The following ZFAT variants were observed in gnomAD, a reference collection of about 807,000 sequenced individuals.
The protein encoded by ZFAT is zinc finger protein ZFAT.
In ZFAT, 64 loss-of-function variants were observed where a neutral mutation model predicts 117.7. That is an observed-to-expected ratio of 0.54 (90% confidence interval 0.44 to 0.67). The LOEUF (loss-of-function observed/expected upper bound fraction) is 0.67, where lower values mean the gene tolerates loss of function less well. Ranked by LOEUF, ZFAT falls within the 30% of genes least tolerant of loss-of-function variation. The pLI is 0.00. For synonymous variants in ZFAT, 679 were observed against 615.0 expected (o/e 1.10, Z -1.54); for missense variants, 1,433 against 1,584.5 (o/e 0.90, Z 1.62).
At chr8:134,584,075 A>AATAT (rs137885117) in intron 9 of ZFAT, 70 bp from the exon 10 acceptor site, 219 of 1,380,278 alleles carry the variant, frequency 1.6e-4, no homozygotes, top group Middle Eastern at 1.0e-3. Context: ...AATCTGAAGG[A>AATAT]ATATATATAT....
At position 134,601,925 on chromosome 8, in the gene ZFAT, C is replaced by T. The variant is rs1827502786; in HGVS notation, c.1794G>A (p.Leu598=). 2 of 1,613,994 alleles carry T rather than the reference C, an allele frequency of 1.2e-6. No homozygotes were observed. The highest frequency in any genetic ancestry group is 1.7e-6 in the Non-Finnish European group (2 of 1,179,954). The part of the protein sequence containing the change: ...HSQEVVSDDF[L]LKNDTSSAEA... ...CTGCGGAGGAGGTATCATTTTTCAACAAAAAATCATCTGAAACCACCTCTT... is the reference window on the plus strand; with the variant it reads ...CTGCGGAGGAGGTATCATTTTTCAATAAAAAATCATCTGAAACCACCTCTT... The change falls in exon 6 of 16, where the codon TTG becomes TTA. Residue 598 remains leucine (L), a synonymous_variant. Transcript: ENST00000377838.
At chr8:134,722,148 C>A in the ZFAT span, among the ~76,000 whole-genome samples, 1 of 151,964 alleles carries the variant, frequency 6.6e-6, no homozygotes, top group Non-Finnish European at 1.5e-5. Flanking sequence ...ACACCACTCA[C>A]GGGAGAAAAA....
the ZFAT span, among the ~76,000 whole-genome samples, chr8:134,821,192 T>A: frequency 1.3e-5 from 2 of 152,182 alleles, no homozygotes; most frequent in African/African-American, 2.4e-5. Context: ...AGTAATGCAA[T>A]ACATAATATC....
At chr8:134,489,668 C>T (rs554970757) in intron 15 of ZFAT, among the ~76,000 whole-genome samples, 1 of 152,330 alleles carries the variant, frequency 6.6e-6, no homozygotes, top group South Asian at 2.1e-4. Context: ...CACATCCCCT[C>T]CTTCCATCAT....
intron 3 of ZFAT, among the ~76,000 whole-genome samples, chr8:134,628,229 T>C (rs1431617814): frequency 4.6e-5 from 7 of 152,074 alleles, no homozygotes; most frequent in Non-Finnish European, 1.0e-4. Context: ...AGGTCAAGCA[T>C]ATTCAGAGGT....
intron 10 of ZFAT, among the ~76,000 whole-genome samples, chr8:134,571,938 CAAA>C (rs1824943803): frequency 6.6e-6 from 1 of 152,150 alleles, no homozygotes; most frequent in Non-Finnish European, 1.5e-5. Flanking sequence ...ACCACCAAAA[CAAA>C]ATAGCCATCC....
intron 11 of ZFAT, among the ~76,000 whole-genome samples, chr8:134,537,094 G>A (rs1821899079): frequency 6.6e-6 from 1 of 152,208 alleles, no homozygotes; most frequent in Non-Finnish European, 1.5e-5. Flanking sequence ...AATTTTTACT[G>A]ATAGCTACTA....
chr8:134,661,571 C>G (rs1831934067), intron 1 of ZFAT, among the ~76,000 whole-genome samples: 1 of 152,196 alleles, frequency 6.6e-6, no homozygotes, highest in Non-Finnish European at 1.5e-5. Flanking sequence ...TGGAGGACAG[C>G]AAGTGGCCAT....
chr8:134,654,709 G>A lies in ZFAT; in HGVS notation c.196+2852C>T, dbSNP rs554326812. ...TGACAGCTGGGACGGAGGGAGGGCA[G>A]CAAGGCCCAAGGCAAGAAAGCAAGG... On this transcript the variant is annotated intron_variant, in intron 2 of 15. Coordinates refer to ENST00000377838, the MANE Select transcript of ZFAT (RefSeq NM_020863.4). Among the ~76,000 whole-genome samples, 10 of 152,336 alleles carry A rather than the reference G, an allele frequency of 6.6e-5. No individual in the cohort carries two copies. The East Asian group carries it at 1.9e-3, about 29-fold the overall frequency.
chr8:134,641,045 C>T lies in ZFAT; in HGVS notation c.197-3333G>A, dbSNP rs150531437. On this transcript the variant is annotated intron_variant, in intron 2 of 15. Transcript: ENST00000377838. ...CTCTCTGTTCACACAGCAACCTCAC[C>T]ACCCAGATGCCTGCACACGGTGTCC... Among the ~76,000 whole-genome samples the T allele has an allele frequency of 7.3e-3, 1,116 of 152,228 alleles. 15 individuals carry two copies. The highest frequency in any genetic ancestry group is 7.5e-3 in the Non-Finnish European group (513 of 68,006).
At chr8:134,823,541 G>A in the ZFAT span, among the ~76,000 whole-genome samples, 1 of 152,142 alleles carries the variant, frequency 6.6e-6, no homozygotes, top group African/African-American at 2.4e-5. Context: ...GGTATAGAAT[G>A]GTTAAGTAAC....
At chr8:134,768,467 C>A in the ZFAT span, among the ~76,000 whole-genome samples, 2 of 151,730 alleles carry the variant, frequency 1.3e-5, no homozygotes, top group African/African-American at 4.8e-5. Context: ...CTAAGACTAG[C>A]CAATTTACAA....
chr8:134,521,252 C>T (rs1820633389), intron 12 of ZFAT, among the ~76,000 whole-genome samples: 1 of 149,708 alleles, frequency 6.7e-6, no homozygotes, highest in African/African-American at 2.4e-5. Flanking sequence ...CCAATATGTG[C>T]CCAACAGTTT....
intron 15 of ZFAT, among the ~76,000 whole-genome samples, chr8:134,493,674 G>A (rs565568467): frequency 2.6e-5 from 4 of 152,346 alleles, no homozygotes; most frequent in South Asian, 2.1e-4. Context: ...GGGCAGGTGC[G>A]TGAGGCACGG....
Position 134,602,001 on chromosome 8 carries a change from G to T in ZFAT, c.1718C>A (p.Pro573Gln), listed in dbSNP as rs561983116. The T allele has an allele frequency of 6.2e-7, 1 of 1,613,294 alleles. No homozygotes were observed. The highest frequency in any genetic ancestry group is 1.1e-5 in the South Asian group (1 of 91,056). ...CACGGTGGTTTCCAGCTCACAGGGT[G>T]GCAGGGCTGTGCTTTCGGCCTGCGG... is the stretch of plus-strand genomic sequence containing the variant. ...ASPQAESTALPPCELETTVVS... is the reference protein window; with the variant it reads ...ASPQAESTALQPCELETTVVS... Residue 573 changes from proline to glutamine, a missense_variant, in exon 6 of 16, where the codon CCA becomes CAA. Transcript: ENST00000377838.
At chr8:134,677,504 T>A (rs902247864) in intron 1 of ZFAT, among the ~76,000 whole-genome samples, 4 of 152,186 alleles carry the variant, frequency 2.6e-5, no homozygotes, top group African/African-American at 9.6e-5. Context: ...AGCCAAATTC[T>A]ACCAGAGGTA....
chr8:134,588,535 A>C, intron 8 of ZFAT, 140 bp from the exon 9 acceptor site: 1 of 928,224 alleles, frequency 1.1e-6, no homozygotes, highest in Non-Finnish European at 1.5e-6. Flanking sequence ...TTTCACCTAA[A>C]AAGTAAAACC....
intron 12 of ZFAT, among the ~76,000 whole-genome samples, chr8:134,528,795 G>A (rs1053691325): frequency 1.3e-5 from 2 of 152,320 alleles, no homozygotes; most frequent in East Asian, 1.9e-4. Flanking sequence ...GAGCTTTGGC[G>A]GGAGCTGCCT....
chr8:134,691,125 A>G (rs2131328826), intron 1 of ZFAT, among the ~76,000 whole-genome samples: 1 of 152,388 alleles, frequency 6.6e-6, no homozygotes, highest in Admixed American at 6.5e-5. Context: ...CAGAGGCATC[A>G]CTGTGGTCAG....
Sources: gnomAD v4.1 joint callset for allele counts (sites outside exome capture counted in the v4.1 genomes callset) on GRCh38, gnomAD v4.1.1 for gene constraint, MANE v1.5 for transcripts, NCBI Gene and HGNC (gene_info 2026-07-23, HGNC 2026-07-21) for gene names.